The following FGD4 variants were observed in gnomAD, a reference collection of about 807,000 sequenced individuals.
FGD4 encodes FYVE, RhoGEF and PH domain containing 4.
A neutral mutation model predicts 102.0 loss-of-function variants in FGD4; 42 were observed. The observed-to-expected ratio is 0.41, with a 90% CI of 0.32 to 0.53. FGD4 has a LOEUF of 0.53. Ranked by LOEUF, FGD4 falls within the 20% of genes least tolerant of loss-of-function variation. The pLI is 0.21. For synonymous variants in FGD4, 380 were observed against 375.7 expected (o/e 1.01, Z -0.13); for missense variants, 902 against 1,078.2 (o/e 0.84, Z 2.29).
chr12:32,537,550 G>C (rs1942399977), intron 1 of FGD4, among the ~76,000 whole-genome samples: 1 of 152,108 alleles, frequency 6.6e-6, no homozygotes, highest in South Asian at 2.1e-4. Context: ...TTCTTTCAAT[G>C]ATGTGCAAGG....
At chr12:32,592,342 T>C (rs1300077363) in intron 4 of FGD4, among the ~76,000 whole-genome samples, 1 of 151,948 alleles carries the variant, frequency 6.6e-6, no homozygotes, top group Non-Finnish European at 1.5e-5. Context: ...AAGATTCTTT[T>C]AAAATCCCAT....
At chr12:32,608,902 T>G (rs931641389) in intron 8 of FGD4, among the ~76,000 whole-genome samples, 5 of 152,078 alleles carry the variant, frequency 3.3e-5, no homozygotes, top group Admixed American at 1.3e-4. Flanking sequence ...CTTTTTAAAT[T>G]ATTATTGTTG....
rs138556101 is a variant in FGD4 at position 32,516,611 on chromosome 12, T to C, written c.167-47526T>C. Among the ~76,000 whole-genome samples the C allele has an allele frequency of 2.0e-3, 301 of 152,314 alleles. 1 individual carries two copies. The highest frequency in any genetic ancestry group is 4.2e-3 in the Admixed American group (64 of 15,294). On this transcript the variant is annotated intron_variant, in intron 1 of 16. Transcript: ENST00000534526. ...CTTACATTGATGCATATGTAAACTG[T>C]AAAATGTGCAAATGATGAAGCAGTC...
chr12:32,491,132 T>TAA (rs72008264), intron 1 of FGD4, among the ~76,000 whole-genome samples: 20,700 of 105,022 alleles, frequency 0.2, 2,309 homozygotes, highest in East Asian at 0.32. Flanking sequence ...TTCTGCCAGT[T>TAA]AAAAAAAAAA....
intron 1 of FGD4, among the ~76,000 whole-genome samples, chr12:32,427,697 A>G (rs1485018645): frequency 2.0e-5 from 3 of 152,164 alleles, no homozygotes; most frequent in Non-Finnish European, 1.5e-5. Context: ...GTAGGAGTCT[A>G]AGTCTCTTTG....
chr12:32,566,234 T>A (rs1197348486), intron 2 of FGD4, among the ~76,000 whole-genome samples: 2 of 151,248 alleles, frequency 1.3e-5, no homozygotes, highest in African/African-American at 4.9e-5. Context: ...GGGTGAGAGG[T>A]CTCTCTGGGG....
intron 1 of FGD4, among the ~76,000 whole-genome samples, chr12:32,411,645 C>T (rs932287000): frequency 1.3e-5 from 2 of 152,012 alleles, no homozygotes; most frequent in African/African-American, 4.8e-5. Context: ...TCATTGCTTA[C>T]CATTTCAAGT....
chr12:32,598,402 CTG>C, intron 4 of FGD4, 93 bp from the exon 5 acceptor site: 1 of 857,214 alleles, frequency 1.2e-6, no homozygotes, highest in Non-Finnish European at 1.9e-6. Flanking sequence ...CTTGAGAAAA[CTG>C]TTTTGATCAA....
chr12:32,575,891 A>G (rs1317407481), intron 2 of FGD4, among the ~76,000 whole-genome samples: 1 of 152,212 alleles, frequency 6.6e-6, no homozygotes, highest in African/African-American at 2.4e-5. Flanking sequence ...TGTAGCAGAC[A>G]ATGTATCTCT....
chr12:32,399,935 G>C lies in FGD4; in HGVS notation c.142G>C (p.Gly48Arg). The C allele has an allele frequency of 6.6e-7, 1 of 1,504,896 alleles. No individual in the cohort carries two copies. Among genetic ancestry groups the C allele is most frequent in the South Asian group, 1.2e-5 (1 of 81,638 alleles). 93.2% of individuals were successfully genotyped at this position (1,504,896 alleles called of 1,614,324 possible). Reference sequence around the variant, plus strand: ...ACGTGTAGGGACCGCTGCCTTCAAGGGCCAGGTGCCCTCAGGAGCCACAGG... The same window carrying C: ...ACGTGTAGGGACCGCTGCCTTCAAGCGCCAGGTGCCCTCAGGAGCCACAGG... ...LGRVGTAAFK[G>R]QVPSGATGSS... The change falls in exon 1 of 17, where the codon GGC becomes CGC. Residue 48 changes from glycine to arginine, a missense_variant. By Grantham distance (125) the Gly-to-Arg change is moderately radical (BLOSUM62 -2). This residue lies in a region of FGD4 where 443 missense variants were observed against 459.2 expected (regional missense o/e 0.96). Transcript: ENST00000534526.
At chr12:32,510,816 T>A (rs1373189103) in intron 1 of FGD4, among the ~76,000 whole-genome samples, 2 of 152,380 alleles carry the variant, frequency 1.3e-5, no homozygotes, top group African/African-American at 4.8e-5. Context: ...TACGTGGAAC[T>A]AAATGACTTC....
At chr12:32,473,016 G>A (rs1444224442) in intron 1 of FGD4, among the ~76,000 whole-genome samples, 3 of 151,550 alleles carry the variant, frequency 2.0e-5, no homozygotes, top group African/African-American at 4.8e-5. Context: ...TGCACCAATC[G>A]ACACTCTGTA....
At chr12:32,541,507 A>G (rs1400467839) in intron 1 of FGD4, among the ~76,000 whole-genome samples, 1 of 152,044 alleles carries the variant, frequency 6.6e-6, no homozygotes, top group Admixed American at 6.5e-5. Context: ...CTGGGATTAG[A>G]GGCGCCTGCC....
At chr12:32,526,916 A>G (rs1941295685) in intron 1 of FGD4, among the ~76,000 whole-genome samples, 1 of 152,182 alleles carries the variant, frequency 6.6e-6, no homozygotes, top group African/African-American at 2.4e-5. Context: ...ATTTTAACTC[A>G]GATATAGTAT....
intron 1 of FGD4, among the ~76,000 whole-genome samples, chr12:32,418,299 G>T (rs553354111): frequency 1.3e-5 from 2 of 152,190 alleles, no homozygotes; most frequent in Non-Finnish European, 2.9e-5. Context: ...TTCCTGGATG[G>T]TCTTCATCCT....
intron 6 of FGD4, 37 bp from the exon 7 acceptor site, chr12:32,602,121 AAAT>A: frequency 6.2e-7 from 1 of 1,608,798 alleles, no homozygotes; most frequent in Non-Finnish European, 8.5e-7. Flanking sequence ...TCTCAAAAAA[AAAT>A]TTTTTTTAAA....
intron 1 of FGD4, among the ~76,000 whole-genome samples, chr12:32,483,480 A>C (rs565741050): frequency 2.1e-4 from 32 of 152,362 alleles, no homozygotes; most frequent in South Asian, 4.1e-4. Flanking sequence ...ATCAGAAAAT[A>C]TTCCATATAA....
chr12:32,414,211 A>T (rs1035046603), intron 1 of FGD4, among the ~76,000 whole-genome samples: 1 of 152,068 alleles, frequency 6.6e-6, no homozygotes, highest in African/African-American at 2.4e-5. Flanking sequence ...ACCTCAGGTG[A>T]TCCACCTGCC....
Position 32,544,810 on chromosome 12 carries a change from T to C in FGD4, c.167-19327T>C, listed in dbSNP as rs930038469. 6.6e-6 allele frequency among the ~76,000 whole-genome samples: 1 copy of C among 152,192 alleles called. No individual in the cohort carries two copies. The highest frequency in any genetic ancestry group is 2.4e-5 in the African/African-American group (1 of 41,434). On this transcript the variant is annotated intron_variant, in intron 1 of 16. Transcript: ENST00000534526. This position sits in a 1 kb window ranked among gnomAD's most constrained non-coding sequence, Gnocchi z 4.1. The stretch of plus-strand genomic sequence containing the variant: ...AGCTTACCAGCTGAAAATTATGGAA[T>C]TCATTTCATATAGCTTCCACTATAA...
Sources: gnomAD v4.1 joint callset for allele counts (sites outside exome capture counted in the v4.1 genomes callset) on GRCh38, gnomAD v4.1.1 for gene constraint, gnomAD v4.1.1 regional missense constraint, Gnocchi (gnomAD v3.1) non-coding constraint, MANE v1.5 for transcripts, NCBI Gene and HGNC (gene_info 2026-07-23, HGNC 2026-07-21) for gene names.